GRIK4: variants seen among roughly 807,000 people sequenced by gnomAD.
The protein encoded by GRIK4 is glutamate ionotropic receptor kainate type subunit 4.
Under a neutral mutation model 104.9 loss-of-function variants are expected in GRIK4, and 40 were observed. The observed-to-expected ratio is 0.38, with a 90% CI of 0.30 to 0.50. GRIK4 has a LOEUF of 0.50. Among genes scored for constraint, GRIK4 ranks in the 20% least tolerant of loss-of-function variants. The probability of loss-of-function intolerance (pLI) is 0.93; values close to 1 mark genes in which losing one functional copy is unlikely to be tolerated. For synonymous variants in GRIK4, 485 were observed against 524.9 expected (o/e 0.92, Z 1.04); for missense variants, 1,047 against 1,308.1 (o/e 0.80, Z 3.08).
intron 1 of GRIK4, among the ~76,000 whole-genome samples, chr11:120,606,549 A>G (rs775605132): frequency 2.0e-5 from 3 of 152,254 alleles, no homozygotes; most frequent in Non-Finnish European, 4.4e-5. Context: ...CATTCCGTCC[A>G]TTCATCTGCT....
chr11:120,929,927 C>G (rs1943445954), intron 13 of GRIK4, among the ~76,000 whole-genome samples: 1 of 152,178 alleles, frequency 6.6e-6, no homozygotes, highest in Non-Finnish European at 1.5e-5. Context: ...AAAAATCCCT[C>G]CTGCATACAG....
chr11:120,847,281 G>A (rs1391013074), intron 8 of GRIK4, among the ~76,000 whole-genome samples: 1 of 152,200 alleles, frequency 6.6e-6, no homozygotes, highest in African/African-American at 2.4e-5. Context: ...CATTAACTGA[G>A]CACTTACTGT....
At chr11:120,576,148 A>T (rs1019444935) in intron 1 of GRIK4, among the ~76,000 whole-genome samples, 4 of 152,136 alleles carry the variant, frequency 2.6e-5, no homozygotes, top group African/African-American at 9.7e-5. Flanking sequence ...TATAAAAAGG[A>T]ATAGTCCATC....
At chr11:120,908,602 G>A (rs1225991470) in intron 13 of GRIK4, among the ~76,000 whole-genome samples, 1 of 152,210 alleles carries the variant, frequency 6.6e-6, no homozygotes, top group Non-Finnish European at 1.5e-5. Context: ...GAAAGGGGAA[G>A]GTGGCAGGCA....
intron 3 of GRIK4, among the ~76,000 whole-genome samples, chr11:120,780,505 T>C (rs1391844893): frequency 6.6e-6 from 1 of 152,230 alleles, no homozygotes; most frequent in Non-Finnish European, 1.5e-5. Context: ...TGTATGTATG[T>C]ATTTTGTTGA....
intron 3 of GRIK4, among the ~76,000 whole-genome samples, chr11:120,670,663 C>T (rs1040231709): frequency 1.3e-5 from 2 of 152,198 alleles, no homozygotes; most frequent in Admixed American, 1.3e-4. Context: ...CTGCCTCTGC[C>T]CCTGACACTT....
At chr11:120,733,736 CTT>C (rs1162073446) in intron 3 of GRIK4, among the ~76,000 whole-genome samples, 3 of 144,978 alleles carry the variant, frequency 2.1e-5, no homozygotes, top group African/African-American at 5.1e-5. Flanking sequence ...GTCTTTCTCC[CTT>C]TTTTTTTTTT....
Position 120,617,659 on chromosome 11 carries a change from A to G in GRIK4, c.-158-36026A>G, listed in dbSNP as rs565786872. Reference sequence around the variant, plus strand: ...CTTCGTGCTGTTCTTGTGATAGTCAATGAGTTCTTGTGAGATCTGGTCATT... The same window carrying G: ...CTTCGTGCTGTTCTTGTGATAGTCAGTGAGTTCTTGTGAGATCTGGTCATT... On this transcript the variant is annotated intron_variant, in intron 1 of 20. Coordinates refer to ENST00000527524, the MANE Select transcript of GRIK4 (RefSeq NM_014619.5). 6.2e-4 allele frequency among the ~76,000 whole-genome samples: 94 copies of G among 152,256 alleles called. 1 individual carries two copies. The highest frequency in any genetic ancestry group is 2.2e-3 in the African/African-American group (90 of 41,548).
intron 3 of GRIK4, among the ~76,000 whole-genome samples, chr11:120,799,816 C>T (rs2135507872): frequency 6.6e-6 from 1 of 152,204 alleles, no homozygotes; most frequent in Middle Eastern, 3.4e-3. Flanking sequence ...TGTCTCTTTT[C>T]CTTGTTGTAC....
intron 1 of GRIK4, among the ~76,000 whole-genome samples, chr11:120,599,065 C>T (rs1329240255): frequency 6.6e-6 from 1 of 152,250 alleles, no homozygotes; most frequent in Non-Finnish European, 1.5e-5. Context: ...GGCCATTTCA[C>T]AGCTCCTGGT....
intron 1 of GRIK4, among the ~76,000 whole-genome samples, chr11:120,601,867 G>GAAGGATA (rs1185997130): frequency 6.6e-6 from 1 of 152,106 alleles, no homozygotes; most frequent in Non-Finnish European, 1.5e-5. Flanking sequence ...AGAGCAGCAT[G>GAAGGATA]AAGGATAAAG....
At chr11:120,911,729 C>A (rs1483653429) in intron 13 of GRIK4, among the ~76,000 whole-genome samples, 2 of 150,348 alleles carry the variant, frequency 1.3e-5, no homozygotes, top group African/African-American at 4.9e-5. Flanking sequence ...GTAATCCCAG[C>A]TACTCAGGAG....
intron 3 of GRIK4, among the ~76,000 whole-genome samples, chr11:120,708,957 C>T (rs1020930266): frequency 6.6e-6 from 1 of 152,174 alleles, no homozygotes; most frequent in African/African-American, 2.4e-5. Flanking sequence ...GGGCAGTAAC[C>T]TTTACCTGGT....
rs1235863024 is a variant in GRIK4 at position 120,952,088 on chromosome 11, C to T, written c.1591-767C>T. Among the ~76,000 whole-genome samples the T allele has an allele frequency of 6.6e-6, 1 of 152,146 alleles. No homozygotes were observed. The highest frequency in any genetic ancestry group is 1.9e-4 in the East Asian group (1 of 5,186). ...CATTTTGTTTTCCCGTGAAGAATGGCGGGGAGCTTGGTGCCCAGGATTCCA... is the reference window on the plus strand; with the variant it reads ...CATTTTGTTTTCCCGTGAAGAATGGTGGGGAGCTTGGTGCCCAGGATTCCA... On this transcript the variant is annotated intron_variant, in intron 14 of 20. Coordinates refer to ENST00000527524, the MANE Select transcript of GRIK4 (RefSeq NM_014619.5). This position sits in a 1 kb window ranked among gnomAD's most constrained non-coding sequence, Gnocchi z 5.2.
chr11:120,708,427 A>T (rs1013288335), intron 3 of GRIK4, among the ~76,000 whole-genome samples: 4 of 152,086 alleles, frequency 2.6e-5, no homozygotes, highest in Non-Finnish European at 4.4e-5. Flanking sequence ...AATAATCCTC[A>T]TCAGAGAGAG....
chr11:120,891,839 C>T (rs1955307180), intron 11 of GRIK4, among the ~76,000 whole-genome samples: 2 of 152,040 alleles, frequency 1.3e-5, no homozygotes, highest in South Asian at 4.2e-4. Context: ...GAGCTGAAGC[C>T]TGAGGGGATT....
intron 14 of GRIK4, among the ~76,000 whole-genome samples, chr11:120,941,651 G>C (rs1565452786): frequency 6.6e-6 from 1 of 152,090 alleles, no homozygotes; most frequent in Non-Finnish European, 1.5e-5. Context: ...TAAAAAGAAG[G>C]GAATTTGAAC....
Position 120,953,755 on chromosome 11 carries a change from G to A in GRIK4, c.1700+791G>A, listed in dbSNP as rs1017826826. On this transcript the variant is annotated intron_variant, in intron 15 of 20. Transcript: ENST00000527524. This position sits in a 1 kb window ranked among gnomAD's most constrained non-coding sequence, Gnocchi z 4.9. ...GTTTCGCTCCAGGCCAAGGCTGTTG[G>A]GCCAGCCTGAGCTGCAGGAGAGCCA... Among the ~76,000 whole-genome samples the A allele has an allele frequency of 6.6e-6, 1 of 152,162 alleles. No individual in the cohort carries two copies. Among genetic ancestry groups the A allele is most frequent in the African/African-American group, 2.4e-5 (1 of 41,432 alleles).
At chr11:120,566,706 GT>G (rs538654745) in intron 1 of GRIK4, among the ~76,000 whole-genome samples, 35,186 of 135,972 alleles carry the variant, frequency 0.26, 4,810 homozygotes, top group Non-Finnish European at 0.38. Context: ...TATACCCTCA[GT>G]TTTTTTTTTT....
Sources: allele counts gnomAD v4.1 joint callset (sites outside exome capture counted in the v4.1 genomes callset), GRCh38; gene constraint gnomAD v4.1.1; non-coding constraint Gnocchi (gnomAD v3.1); transcripts MANE v1.5; gene names NCBI Gene and HGNC (gene_info 2026-07-23, HGNC 2026-07-21).